The following ZNF385B variants were observed in gnomAD, a reference collection of about 807,000 sequenced individuals.
ZNF385B encodes zinc finger protein 385B, also known as zinc finger protein 533.
A neutral mutation model predicts 39.2 loss-of-function variants in ZNF385B; 23 were observed. The observed-to-expected ratio is 0.59, with a 90% CI of 0.42 to 0.83. ZNF385B has a LOEUF of 0.83. Among genes scored for constraint, ZNF385B ranks in the 40% least tolerant of loss-of-function variants. ZNF385B has a pLI of 0.00. For synonymous variants in ZNF385B, 205 were observed against 222.6 expected, an observed-to-expected ratio of 0.92 and a Z score of 0.70; for missense variants, 552 against 598.9, an observed-to-expected ratio of 0.92 and a Z score of 0.82.
At chr2:179,656,080 A>G (rs186800702) in intron 3 of ZNF385B, among the ~76,000 whole-genome samples, 1 of 152,250 alleles carries the variant, frequency 6.6e-6, no homozygotes, top group Admixed American at 6.5e-5. Flanking sequence ...ATTTTTACAA[A>G]TAGATTAACA....
chr2:179,722,428 A>G (rs1700753564), intron 3 of ZNF385B, among the ~76,000 whole-genome samples: 1 of 152,192 alleles, frequency 6.6e-6, no homozygotes, highest in Non-Finnish European at 1.5e-5. Flanking sequence ...AGAGTATAAA[A>G]AGAAACTTGC....
chr2:179,664,870 T>C (rs1348079477), intron 3 of ZNF385B, among the ~76,000 whole-genome samples: 1 of 152,160 alleles, frequency 6.6e-6, no homozygotes, highest in African/African-American at 2.4e-5. Flanking sequence ...AGGATTTTTG[T>C]TTATTATTTA....
At chr2:179,471,241 T>C (rs931090229) in intron 6 of ZNF385B, among the ~76,000 whole-genome samples, 19 of 152,140 alleles carry the variant, frequency 1.2e-4, no homozygotes, top group Non-Finnish European at 2.9e-5. Flanking sequence ...CATAAATGAC[T>C]AAGAGTTTCT....
At chr2:179,797,887 C>T (rs1705774558) in intron 1 of ZNF385B, among the ~76,000 whole-genome samples, 1 of 152,124 alleles carries the variant, frequency 6.6e-6, no homozygotes. Context: ...GATAGTAATA[C>T]TCTAATCCTA....
intron 3 of ZNF385B, among the ~76,000 whole-genome samples, chr2:179,667,607 G>A (rs1407798502): frequency 2.0e-5 from 3 of 152,166 alleles, no homozygotes; most frequent in African/African-American, 7.2e-5. Flanking sequence ...GGTTCAAAAC[G>A]ATGTGCTAAT....
intron 5 of ZNF385B, among the ~76,000 whole-genome samples, chr2:179,484,847 C>A (rs1404706591): frequency 3.3e-5 from 5 of 152,134 alleles, no homozygotes; most frequent in Admixed American, 3.3e-4. Flanking sequence ...GAAAGGGATG[C>A]ATATACACTA....
At chr2:179,645,326 C>T (rs1265170745) in intron 3 of ZNF385B, among the ~76,000 whole-genome samples, 2 of 152,156 alleles carry the variant, frequency 1.3e-5, no homozygotes, top group Non-Finnish European at 1.5e-5. Context: ...GCTCTTAACC[C>T]ATTTTTATTC....
chr2:179,839,004 C>T (rs1708406986), intron 1 of ZNF385B, among the ~76,000 whole-genome samples: 1 of 151,690 alleles, frequency 6.6e-6, no homozygotes, highest in African/African-American at 2.4e-5. Context: ...TGTCTTAACT[C>T]AGAAAAACAA....
chr2:179,562,534 G>A (rs1684042562), intron 3 of ZNF385B: 3 of 985,244 alleles, frequency 3.0e-6, no homozygotes, highest in Non-Finnish European at 3.6e-6. Flanking sequence ...CAGCCGGCAG[G>A]CAGTGCTTCT....
In ZNF385B at chr2:179,705,380, C is replaced by G. The variant is rs143710649; in HGVS notation, c.298+64123G>C. Among the ~76,000 whole-genome samples the G allele has an allele frequency of 3.8e-3, 581 of 152,328 alleles. 3 individuals carry two copies. Among genetic ancestry groups the G allele is most frequent in the South Asian group, 0.019 (91 of 4,828 alleles). ...TTCTGGTTTCCAAAGACTTACCAAACATTTGTTTCCAAGACTTTGGTGTTG... is the reference window on the plus strand; with the variant it reads ...TTCTGGTTTCCAAAGACTTACCAAAGATTTGTTTCCAAGACTTTGGTGTTG... On this transcript the variant is annotated intron_variant, in intron 3 of 9. Coordinates refer to ENST00000410066, the MANE Select transcript of ZNF385B (RefSeq NM_152520.6).
At chr2:179,491,484 C>T (rs149778442) in intron 5 of ZNF385B, among the ~76,000 whole-genome samples, 1 of 152,232 alleles carries the variant, frequency 6.6e-6, no homozygotes, top group East Asian at 1.9e-4. Context: ...ATGAATAATG[C>T]ACTTGATGAA....
chr2:179,590,661 G>A (rs1687478518), intron 3 of ZNF385B, among the ~76,000 whole-genome samples: 1 of 152,136 alleles, frequency 6.6e-6, no homozygotes, highest in Non-Finnish European at 1.5e-5. Context: ...ATCCCTGTGT[G>A]TCAAGGGAGG....
chr2:179,525,551 C>A (rs1441114954), intron 4 of ZNF385B, among the ~76,000 whole-genome samples: 1 of 152,188 alleles, frequency 6.6e-6, no homozygotes, highest in Non-Finnish European at 1.5e-5. Context: ...GCTACAAACC[C>A]TTGTGACTTT....
chr2:179,821,261 C>T (rs924356676), intron 1 of ZNF385B, among the ~76,000 whole-genome samples: 1 of 152,036 alleles, frequency 6.6e-6, no homozygotes, highest in African/African-American at 2.4e-5. Flanking sequence ...TAAATGGAGT[C>T]ATTTGGGGGC....
At chr2:179,499,154 T>C (rs915313725) in intron 5 of ZNF385B, among the ~76,000 whole-genome samples, 10 of 152,006 alleles carry the variant, frequency 6.6e-5, no homozygotes, top group Admixed American at 3.3e-4. Context: ...CAACAACAAG[T>C]AATGAGATAG....
chr2:179,615,578 G>A (rs1164296535), intron 3 of ZNF385B, among the ~76,000 whole-genome samples: 1 of 152,248 alleles, frequency 6.6e-6, no homozygotes, highest in African/African-American at 2.4e-5. Flanking sequence ...CTAGAATCTA[G>A]AGATAAACTA....
chr2:179,615,150 G>C (rs2106145272), intron 3 of ZNF385B, among the ~76,000 whole-genome samples: 2 of 152,294 alleles, frequency 1.3e-5, no homozygotes, highest in South Asian at 4.1e-4. Context: ...CAGCTGAATA[G>C]TTTTCACATA....
intron 5 of ZNF385B, among the ~76,000 whole-genome samples, chr2:179,492,570 G>T (rs908443557): frequency 6.6e-6 from 1 of 152,108 alleles, no homozygotes; most frequent in Non-Finnish European, 1.5e-5. Flanking sequence ...TAATGTAGAT[G>T]AAAGTGGCAA....
intron 3 of ZNF385B, among the ~76,000 whole-genome samples, chr2:179,766,781 TG>T (rs1289725329): frequency 1.3e-5 from 2 of 152,222 alleles, no homozygotes; most frequent in African/African-American, 2.4e-5. Context: ...TATATTTTTT[TG>T]TGTGTGTGTG....
Sources: gnomAD v4.1 joint callset for allele counts (sites outside exome capture counted in the v4.1 genomes callset) on GRCh38, gnomAD v4.1.1 for gene constraint, MANE v1.5 for transcripts, NCBI Gene and HGNC (gene_info 2026-07-23, HGNC 2026-07-21) for gene names.